Variants in SHROOM3 observed in about 807,000 individuals in gnomAD.
SHROOM3 encodes the protein protein Shroom3.
A neutral mutation model predicts 138.6 loss-of-function variants in SHROOM3; 47 were observed. That is an observed-to-expected ratio of 0.34 (90% CI 0.27 to 0.43). SHROOM3 has a LOEUF of 0.43. Ranked by LOEUF, SHROOM3 falls within the 20% of genes least tolerant of loss-of-function variation. The probability of loss-of-function intolerance (pLI) is 1.00; values close to 1 mark genes in which losing one functional copy is unlikely to be tolerated. For synonymous variants in SHROOM3, 1,062 were observed against 1,063.3 expected (o/e 1.00, Z 0.02); for missense variants, 2,491 against 2,596.5 (o/e 0.96, Z 0.88).
At chr4:76,610,380 G>C (rs978681475) in intron 2 of SHROOM3, among the ~76,000 whole-genome samples, 2 of 152,184 alleles carry the variant, frequency 1.3e-5, no homozygotes, top group Non-Finnish European at 2.9e-5. Flanking sequence ...CATAGCTTCA[G>C]AATTTGATTT....
At chr4:76,649,945 C>T (rs1735916581) in intron 2 of SHROOM3, among the ~76,000 whole-genome samples, 1 of 152,140 alleles carries the variant, frequency 6.6e-6, no homozygotes, top group African/African-American at 2.4e-5. Context: ...GCTGTAAAGT[C>T]CAAGATCAAG....
chr4:76,728,779 G>T (rs1162009037), intron 3 of SHROOM3, among the ~76,000 whole-genome samples: 1 of 152,064 alleles, frequency 6.6e-6, no homozygotes, highest in Non-Finnish European at 1.5e-5. Context: ...TGCTCTGATG[G>T]CTCCCTTCCT....
chr4:76,699,298 A>G (rs560656498), intron 2 of SHROOM3, among the ~76,000 whole-genome samples: 2 of 152,300 alleles, frequency 1.3e-5, no homozygotes, highest in African/African-American at 2.4e-5. Context: ...CATGTAGAAC[A>G]TGCTCATCCC....
chr4:76,631,423 G>A (rs1000173295), intron 2 of SHROOM3, among the ~76,000 whole-genome samples: 1 of 151,856 alleles, frequency 6.6e-6, no homozygotes, highest in Non-Finnish European at 1.5e-5. Context: ...ATATTGGCCA[G>A]GCTGGTCTTG....
intron 1 of SHROOM3, among the ~76,000 whole-genome samples, chr4:76,487,597 C>T (rs1029030536): frequency 7.3e-5 from 11 of 150,074 alleles, no homozygotes; most frequent in Non-Finnish European, 1.5e-4. Context: ...ATCAAACCTC[C>T]GCCTTACAAT....
intron 1 of SHROOM3, among the ~76,000 whole-genome samples, chr4:76,534,345 C>T (rs927629813): frequency 1.8e-4 from 28 of 152,288 alleles, no homozygotes; most frequent in African/African-American, 6.5e-4. Context: ...ACCCCCAAGT[C>T]CAAACATATG....
chr4:76,772,806 G>A (rs145860773), intron 10 of SHROOM3, among the ~76,000 whole-genome samples: 1 of 152,286 alleles, frequency 6.6e-6, no homozygotes, highest in African/African-American at 2.4e-5. Flanking sequence ...CAGTATGGAG[G>A]AGCAATTGTG....
In SHROOM3 at chr4:76,681,258, C is replaced by T. The variant is rs545331348; in HGVS notation, c.324-28898C>T. 2.6e-5 allele frequency among the ~76,000 whole-genome samples: 4 copies of T among 152,288 alleles called. No homozygotes were observed. In the South Asian group the frequency reaches 6.2e-4, roughly 24 times the overall value. Reference sequence around the variant, plus strand: ...CACATCCTTCAGAACCTCTCCCAAGCATGTCCTGTGCATCCTTCCCTGACA... The same window carrying T: ...CACATCCTTCAGAACCTCTCCCAAGTATGTCCTGTGCATCCTTCCCTGACA... On this transcript the variant is annotated intron_variant, in intron 2 of 10. Transcript: ENST00000296043.
At position 76,741,116 on chromosome 4, in the gene SHROOM3, GC is replaced by G; in HGVS notation, c.2947del (p.Arg983GlyfsTer6). On this transcript the variant is annotated frameshift_variant, in exon 5 of 11. Transcript: ENST00000296043. LOFTEE classifies it high-confidence loss of function. This position sits in a 1 kb window ranked among gnomAD's most constrained non-coding sequence, Gnocchi z 6.2. ...CGTCGGCCTCCGCCTCCCCGCACAC[GC>G]CCCGGGAGCGGCACAGCGTGACCCC... is the stretch of plus-strand genomic sequence containing the variant. ...EASASASPHT[P>X]RERHSVTPAE... 1 of 1,550,376 alleles carries G rather than the reference GC, an allele frequency of 6.5e-7. No homozygotes were observed. Among genetic ancestry groups the G allele is most frequent in the Non-Finnish European group, 8.7e-7 (1 of 1,147,854 alleles).
chr4:76,657,125 C>T (rs1298585814), intron 2 of SHROOM3, among the ~76,000 whole-genome samples: 6 of 151,662 alleles, frequency 4.0e-5, no homozygotes, highest in African/African-American at 9.7e-5. Flanking sequence ...TGCAGTGAGC[C>T]GAGATCATGC....
chr4:76,618,989 A>G (rs1734941234), intron 2 of SHROOM3, among the ~76,000 whole-genome samples: 1 of 152,162 alleles, frequency 6.6e-6, no homozygotes, highest in Non-Finnish European at 1.5e-5. Context: ...CTGGGATAAT[A>G]GGCACCTGCC....
At chr4:76,628,093 A>G (rs933071003) in intron 2 of SHROOM3, among the ~76,000 whole-genome samples, 2 of 152,234 alleles carry the variant, frequency 1.3e-5, no homozygotes, top group African/African-American at 4.8e-5. Context: ...ATGAAAAGGC[A>G]TTGAAAATAT....
chr4:76,515,949 T>G (rs1732435678), intron 1 of SHROOM3, among the ~76,000 whole-genome samples: 1 of 152,158 alleles, frequency 6.6e-6, no homozygotes, highest in Admixed American at 6.6e-5. Context: ...GGTAGAAAGC[T>G]CAACTGTTGA....
intron 2 of SHROOM3, among the ~76,000 whole-genome samples, chr4:76,635,888 G>C (rs1735480990): frequency 6.6e-6 from 1 of 152,182 alleles, no homozygotes; most frequent in South Asian, 2.1e-4. Flanking sequence ...ATCAATCCTA[G>C]GATTTCAACA....
intron 1 of SHROOM3, among the ~76,000 whole-genome samples, chr4:76,546,441 T>G (rs946293659): frequency 6.6e-6 from 1 of 152,216 alleles, no homozygotes; most frequent in Non-Finnish European, 1.5e-5. Flanking sequence ...AGCATTTAGT[T>G]CTGGTGCCAA....
In SHROOM3 at chr4:76,755,878, G is replaced by A. The variant is rs146802272; in HGVS notation, c.4710-571G>A. Among the ~76,000 whole-genome samples, 6 of 152,296 alleles carry A rather than the reference G, an allele frequency of 3.9e-5. No individual in the cohort carries two copies. In the East Asian group the frequency reaches 1.2e-3, roughly 29 times the overall value. On this transcript the variant is annotated intron_variant, in intron 7 of 10. Transcript: ENST00000296043. ...AGCATTCCCCAACACATAGTCCCTA[G>A]AACAAGTAATCTCTCAAAACACCAA... is the stretch of plus-strand genomic sequence containing the variant.
chr4:76,741,497 G>T lies in SHROOM3; in HGVS notation c.3324G>T (p.Glu1108Asp), dbSNP rs983968145. Residue 1108 changes from glutamate to aspartate, a missense_variant, in exon 5 of 11, where the codon GAG becomes GAT. This residue lies in a region of SHROOM3 where 1,733 missense variants were observed against 1,661.6 expected (regional missense o/e 1.04). Transcript: ENST00000296043. The surrounding 1 kb of genome is among the most constrained non-coding windows in gnomAD (Gnocchi z 6.2). The part of the protein sequence containing the change: ...PTSAAGCSLQ[E>D]PGPLRERAQS... The stretch of plus-strand genomic sequence containing the variant: ...CCGCCGCCGGCTGCAGCCTCCAGGA[G>T]CCCGGGCCACTGCGTGAGCGCGCCC... The T allele has an allele frequency of 1.3e-6, 2 of 1,556,124 alleles. No homozygotes were observed. Among genetic ancestry groups the T allele is most frequent in the Non-Finnish European group, 1.7e-6 (2 of 1,155,724 alleles).
chr4:76,754,580 A>T lies in SHROOM3; in HGVS notation c.4097A>T (p.Tyr1366Phe). 1 of 1,614,144 alleles carries T rather than the reference A, an allele frequency of 6.2e-7. No homozygotes were observed. Residue 1366 changes from tyrosine (Y) to phenylalanine (F), a missense_variant, in exon 7 of 11, where the codon TAC (tyrosine) becomes TTC (phenylalanine). By Grantham distance (22) the Tyr-to-Phe change is conservative (BLOSUM62 3). Coordinates refer to ENST00000296043, the MANE Select transcript of SHROOM3 (RefSeq NM_020859.4). ...CTGCCTTCAGCCATTCCCTCTGGCT[A>T]CTGCTCACAGGACGGTCAGACAGGG... ...TPLPSAIPSG[Y>F]CSQDGQTGRQ... is the part of the protein sequence containing the mutation.
rs78515018 is a variant in SHROOM3, at chr4:76,512,742, T to C, written c.169-42867T>C. On this transcript the variant is annotated intron_variant, in intron 1 of 10. Coordinates refer to ENST00000296043, the MANE Select transcript of SHROOM3 (RefSeq NM_020859.4). ...ATGAGCGTGGAATCATACATTTCTCTTTCAACTTGATGAGGTGCTCCCACG... is the reference window on the plus strand; with the variant it reads ...ATGAGCGTGGAATCATACATTTCTCCTTCAACTTGATGAGGTGCTCCCACG... Among the ~76,000 whole-genome samples, 803 of 152,258 alleles carry C rather than the reference T, an allele frequency of 5.3e-3. 8 individuals are homozygous for C. The highest frequency in any genetic ancestry group is 0.019 in the African/African-American group (773 of 41,546).
Sources: gnomAD v4.1 joint callset for allele counts (sites outside exome capture counted in the v4.1 genomes callset) on GRCh38, gnomAD v4.1.1 for gene constraint, gnomAD v4.1.1 regional missense constraint, Gnocchi (gnomAD v3.1) non-coding constraint, MANE v1.5 for transcripts, NCBI Gene and HGNC (gene_info 2026-07-23, HGNC 2026-07-21) for gene names.